The following TNFRSF19 variants were observed in gnomAD, a reference collection of about 807,000 sequenced individuals.
TNFRSF19 encodes TNF receptor superfamily member 19.
Under a neutral mutation model 46.4 loss-of-function variants are expected in TNFRSF19, and 27 were observed. That is an observed-to-expected ratio of 0.58 (90% confidence interval 0.43 to 0.80). The LOEUF (loss-of-function observed/expected upper bound fraction) is 0.80, where lower values mean the gene tolerates loss of function less well. Among genes scored for constraint, TNFRSF19 ranks in the 30% least tolerant of loss-of-function variants. The probability of loss-of-function intolerance (pLI) is 0.00; values close to 1 mark genes in which losing one functional copy is unlikely to be tolerated. For synonymous variants in TNFRSF19, 204 were observed against 205.0 expected (o/e 1.00, Z 0.04); for missense variants, 511 against 530.8 (o/e 0.96, Z 0.37).
intron 1 of TNFRSF19, among the ~76,000 whole-genome samples, chr13:23,582,108 C>T (rs913064685): frequency 6.6e-6 from 1 of 151,714 alleles, no homozygotes; most frequent in Admixed American, 6.6e-5. Context: ...TGGCCGGGCA[C>T]GGTGGCTCAC....
intron 3 of TNFRSF19, among the ~76,000 whole-genome samples, chr13:23,597,372 G>A (rs1245170695): frequency 6.6e-6 from 1 of 151,506 alleles, no homozygotes; most frequent in African/African-American, 2.4e-5. Context: ...GATGAAAAGA[G>A]AAAAGAATCA....
intron 9 of TNFRSF19, among the ~76,000 whole-genome samples, chr13:23,671,124 A>G (rs1951756452): frequency 6.6e-6 from 1 of 152,174 alleles, no homozygotes; most frequent in African/African-American, 2.4e-5. Context: ...TGAACATGAT[A>G]TTTTAGAAAC....
At chr13:23,607,684 AT>A (rs1414770726) in intron 3 of TNFRSF19, among the ~76,000 whole-genome samples, 1 of 152,154 alleles carries the variant, frequency 6.6e-6, no homozygotes, top group Non-Finnish European at 1.5e-5. Context: ...GGCCATTAGC[AT>A]TTTCAAATAA....
In TNFRSF19 at chr13:23,675,188, C is replaced by T. The variant is rs1410655352; in HGVS notation, c.*1808C>T. ...TGACCACACAATGGCTATGAAAATG[C>T]AAGTAGTTTCCTCGCGTGACCTCAC... is the stretch of plus-strand genomic sequence containing the variant. On this transcript the variant is annotated 3_prime_UTR_variant, in exon 10 of 10. Coordinates refer to ENST00000248484, the MANE Select transcript of TNFRSF19 (RefSeq NM_148957.4). 1 of 152,158 alleles carries T rather than the reference C, an allele frequency of 6.6e-6. No homozygotes were observed. Among genetic ancestry groups the T allele is most frequent in the African/African-American group, 2.4e-5 (1 of 41,442 alleles). 9.4% of individuals were successfully genotyped at this position (152,158 alleles called of 1,614,324 possible).
At chr13:23,592,869 T>A (rs1413935858) in intron 2 of TNFRSF19, among the ~76,000 whole-genome samples, 1 of 152,260 alleles carries the variant, frequency 6.6e-6, no homozygotes, top group Admixed American at 6.5e-5. Context: ...TTATTCAATT[T>A]ATTTAATTCA....
At chr13:23,648,819 T>G (rs956790556) in intron 5 of TNFRSF19, among the ~76,000 whole-genome samples, 1 of 152,234 alleles carries the variant, frequency 6.6e-6, no homozygotes, top group Non-Finnish European at 1.5e-5. Flanking sequence ...AAAGGCTTTA[T>G]CAGCATAAAT....
intron 1 of TNFRSF19, among the ~76,000 whole-genome samples, chr13:23,576,273 A>G (rs1480464028): frequency 6.6e-6 from 1 of 151,782 alleles, no homozygotes; most frequent in Non-Finnish European, 1.5e-5. Flanking sequence ...AGCTGGGATT[A>G]CAGGCACCTG....
chr13:23,626,890 C>A, intron 5 of TNFRSF19, 98 bp downstream of exon 5: 1 of 1,099,850 alleles, frequency 9.1e-7, no homozygotes, highest in Non-Finnish European at 1.3e-6. Context: ...GGAGCCAAAT[C>A]TGTCTCTCCT....
chr13:23,621,545 T>C (rs914751358), intron 4 of TNFRSF19, among the ~76,000 whole-genome samples: 3 of 152,198 alleles, frequency 2.0e-5, no homozygotes, highest in Admixed American at 1.3e-4. Context: ...ACCGGAGCTG[T>C]TCTATGGCAT....
At chr13:23,612,816 G>A (rs1252608301) in intron 3 of TNFRSF19, among the ~76,000 whole-genome samples, 3 of 152,056 alleles carry the variant, frequency 2.0e-5, no homozygotes, top group African/African-American at 7.2e-5. Context: ...ACATTAAGTT[G>A]TATGTTCATT....
At chr13:23,637,509 GCCGTA>G (rs1882764330) in intron 5 of TNFRSF19, among the ~76,000 whole-genome samples, 1 of 152,176 alleles carries the variant, frequency 6.6e-6, no homozygotes, top group South Asian at 2.1e-4. Flanking sequence ...TTTGTGCTTT[GCCGTA>G]AGTCCTGTCA....
chr13:23,637,837 G>A (rs563725137), intron 5 of TNFRSF19, among the ~76,000 whole-genome samples: 5 of 152,362 alleles, frequency 3.3e-5, no homozygotes, highest in African/African-American at 7.2e-5. Flanking sequence ...CTGTCTCCAC[G>A]TGGCCTTCTC....
chr13:23,602,528 A>G (rs1029748370), intron 3 of TNFRSF19, among the ~76,000 whole-genome samples: 4 of 152,142 alleles, frequency 2.6e-5, no homozygotes, highest in African/African-American at 7.2e-5. Flanking sequence ...TGACACCTAT[A>G]GACAACTTCA....
rs1251397016 is a variant in TNFRSF19 at position 23,659,657 on chromosome 13, C to T, written c.610+443C>T. Reference sequence around the variant, plus strand: ...GAGTAGCTGGGACTACAGGCGCCCGCCACCACGCCTGGATAATTTTTGTAT... The same window carrying T: ...GAGTAGCTGGGACTACAGGCGCCCGTCACCACGCCTGGATAATTTTTGTAT... On this transcript the variant is annotated intron_variant, in intron 6 of 9. Coordinates refer to ENST00000248484, the MANE Select transcript of TNFRSF19 (RefSeq NM_148957.4). The surrounding 1 kb of genome is among the most constrained non-coding windows in gnomAD (Gnocchi z 4.9). Among the ~76,000 whole-genome samples, 1 of 152,060 alleles carries T rather than the reference C, an allele frequency of 6.6e-6. No individual in the cohort carries two copies. Among genetic ancestry groups the T allele is most frequent in the African/African-American group, 2.4e-5 (1 of 41,408 alleles).
intron 5 of TNFRSF19, among the ~76,000 whole-genome samples, chr13:23,645,792 A>G (rs1269599388): frequency 6.6e-6 from 1 of 152,128 alleles, no homozygotes; most frequent in Non-Finnish European, 1.5e-5. Flanking sequence ...CTTCTGCCTC[A>G]GTTGTGTATG....
rs766833272 is a variant in TNFRSF19, at chr13:23,660,390, G to A, written c.636G>A (p.Gln212=). Reference sequence around the variant, plus strand: ...GGTCTCTGCGGTCACAGGACATTCAGTACAACGGCTCTGAGCTGTCGTGTT... The same window carrying A: ...GGTCTCTGCGGTCACAGGACATTCAATACAACGGCTCTGAGCTGTCGTGTT... ...PSWSLRSQDI[Q]YNGSELSCFD... Residue 212 remains glutamine, a synonymous_variant, in exon 7 of 10, where the codon CAG becomes CAA. Transcript: ENST00000248484. 3.1e-6 allele frequency: 5 copies of A among 1,613,942 alleles called. No homozygotes were observed. The South Asian group carries it at 3.3e-5, about 11-fold the overall frequency.
chr13:23,659,005 T>C lies in TNFRSF19; in HGVS notation c.446-45T>C. 6.2e-7 allele frequency: 1 copy of C among 1,610,616 alleles called. No individual in the cohort carries two copies. Among genetic ancestry groups the C allele is most frequent in the South Asian group, 1.1e-5 (1 of 90,974 alleles). The stretch of plus-strand genomic sequence containing the variant: ...TGCCAGCTTCGCCATAAACACTGCA[T>C]CTGCAGTTGTTCAGAGCATGCTGAC... On this transcript the variant is annotated intron_variant, in intron 5 of 9. Coordinates refer to ENST00000248484, the MANE Select transcript of TNFRSF19 (RefSeq NM_148957.4). The surrounding 1 kb of genome is among the most constrained non-coding windows in gnomAD (Gnocchi z 4.9).
At chr13:23,639,820 C>G (rs147228846) in intron 5 of TNFRSF19, among the ~76,000 whole-genome samples, 2,819 of 152,252 alleles carry the variant, frequency 0.019, 25 homozygotes, top group African/African-American at 0.025. Flanking sequence ...CATTTCCAAG[C>G]GCTGCACATG....
intron 5 of TNFRSF19, among the ~76,000 whole-genome samples, chr13:23,643,382 A>AT (rs1883137679): frequency 6.6e-6 from 1 of 152,268 alleles, no homozygotes. Context: ...AATTCAGAAG[A>AT]TAAAAATGGG....
Sources: gnomAD v4.1 joint callset for allele counts (sites outside exome capture counted in the v4.1 genomes callset) on GRCh38, gnomAD v4.1.1 for gene constraint, Gnocchi (gnomAD v3.1) non-coding constraint, MANE v1.5 for transcripts, NCBI Gene and HGNC (gene_info 2026-07-23, HGNC 2026-07-21) for gene names.